Variants in TRIQK observed in about 807,000 individuals in gnomAD.
TRIQK encodes the protein triple QxxK/R motif containing.
In TRIQK, 10 loss-of-function variants were observed where a neutral mutation model predicts 10.8. That is an observed-to-expected ratio of 0.92 (90% confidence interval 0.57 to 1.57). TRIQK has a LOEUF of 1.57. TRIQK is among the 40% of genes most tolerant of loss of function. The pLI is 0.00. For synonymous variants in TRIQK, 33 were observed against 33.7 expected, an observed-to-expected ratio of 0.98 and a Z score of 0.07; for missense variants, 107 against 97.7, an observed-to-expected ratio of 1.09 and a Z score of -0.40.
intron 2 of TRIQK, among the ~76,000 whole-genome samples, chr8:92,939,977 CT>C (rs1201019626): frequency 2.6e-5 from 4 of 152,156 alleles, no homozygotes; most frequent in Admixed American, 6.5e-5. Context: ...TGTCTTATAT[CT>C]GGGCTGACCA....
intron 2 of TRIQK, chr8:92,926,397 G>A (rs1810450283): frequency 6.6e-6 from 1 of 152,122 alleles, no homozygotes; most frequent in Non-Finnish European, 1.5e-5. Flanking sequence ...GAAAATTACA[G>A]ACCAATCCAT....
At chr8:93,010,635 T>C (rs1274569389) in intron 1 of TRIQK, among the ~76,000 whole-genome samples, 1 of 152,288 alleles carries the variant, frequency 6.6e-6, no homozygotes, top group Non-Finnish European at 1.5e-5. Context: ...GTAATTCTAG[T>C]TTCGCATCCA....
At chr8:92,914,247 C>T (rs1324869670) in intron 3 of TRIQK, among the ~76,000 whole-genome samples, 1 of 151,980 alleles carries the variant, frequency 6.6e-6, no homozygotes, top group Non-Finnish European at 1.5e-5. Flanking sequence ...GAATGAATGT[C>T]CCCCTTCTTT....
chr8:92,906,103 A>C (rs1000514179), intron 3 of TRIQK, among the ~76,000 whole-genome samples: 3 of 152,204 alleles, frequency 2.0e-5, no homozygotes, highest in African/African-American at 7.2e-5. Flanking sequence ...AAGGGCAATG[A>C]AAAAGGGAAA....
chr8:92,985,036 A>G (rs1806627813), intron 1 of TRIQK, among the ~76,000 whole-genome samples: 1 of 152,220 alleles, frequency 6.6e-6, no homozygotes, highest in Admixed American at 6.5e-5. Flanking sequence ...TCTAAAGCTA[A>G]TAAACTTATT....
chr8:93,006,796 G>T (rs1206878414), intron 1 of TRIQK, among the ~76,000 whole-genome samples: 1 of 152,168 alleles, frequency 6.6e-6, no homozygotes, highest in Non-Finnish European at 1.5e-5. Flanking sequence ...ACTGTGTGGG[G>T]CCTCCCTACA....
intron 2 of TRIQK, among the ~76,000 whole-genome samples, chr8:92,951,143 T>A (rs1351034146): frequency 6.6e-6 from 1 of 152,026 alleles, no homozygotes; most frequent in Non-Finnish European, 1.5e-5. Flanking sequence ...TTTTTTTTTA[T>A]CCTGAGTATT....
chr8:92,892,507 A>G (rs1472292318), intron 3 of TRIQK, among the ~76,000 whole-genome samples: 6 of 152,088 alleles, frequency 3.9e-5, no homozygotes, highest in Admixed American at 3.3e-4. Flanking sequence ...CATTCAAAAC[A>G]TAAGTGAGAA....
chr8:92,938,646 G>A (rs1563646990), intron 2 of TRIQK, among the ~76,000 whole-genome samples: 1 of 152,128 alleles, frequency 6.6e-6, no homozygotes, highest in African/African-American at 2.4e-5. Flanking sequence ...ATGAGACCAT[G>A]TATTGTCTCA....
At chr8:93,002,254 TA>T (rs1176419634) in intron 1 of TRIQK, among the ~76,000 whole-genome samples, 1 of 151,540 alleles carries the variant, frequency 6.6e-6, no homozygotes, top group Non-Finnish European at 1.5e-5. Flanking sequence ...ACTAAATTAA[TA>T]AAAAAGGAAA....
intron 2 of TRIQK, among the ~76,000 whole-genome samples, chr8:92,924,596 A>G (rs555003109): frequency 6.6e-6 from 1 of 152,136 alleles, no homozygotes; most frequent in East Asian, 1.9e-4. Context: ...GGCATCATTC[A>G]TGATTCAGAT....
chr8:93,006,591 G>A (rs1020459524), intron 1 of TRIQK, among the ~76,000 whole-genome samples: 1 of 152,090 alleles, frequency 6.6e-6, no homozygotes, highest in Non-Finnish European at 1.5e-5. Context: ...GCTACCTGCT[G>A]TCTAAGACAA....
intron 1 of TRIQK, chr8:92,974,534 C>T (rs955589849): frequency 6.6e-6 from 1 of 152,220 alleles, no homozygotes; most frequent in Non-Finnish European, 1.5e-5. Flanking sequence ...TGTATGGAGA[C>T]TGAAGCTTGG....
intron 2 of TRIQK, among the ~76,000 whole-genome samples, chr8:92,950,885 C>CTTT (rs1260961020): frequency 6.6e-6 from 1 of 152,044 alleles, no homozygotes; most frequent in Non-Finnish European, 1.5e-5. Context: ...TAACATTATA[C>CTTT]AGGTCTCCCT....
At chr8:92,969,379 A>G (rs1812851251), upstream of TRIQK, among the ~76,000 whole-genome samples, 1 of 152,158 alleles carries the variant, frequency 6.6e-6, no homozygotes, top group African/African-American at 2.4e-5. Flanking sequence ...TGTAGTTAGA[A>G]AATATATATT....
upstream of TRIQK, among the ~76,000 whole-genome samples, chr8:92,969,983 C>T (rs1812858357): frequency 6.6e-6 from 1 of 152,010 alleles, no homozygotes; most frequent in Non-Finnish European, 1.5e-5. Flanking sequence ...ATGTTGTTCC[C>T]CTCCCTGTGT....
chr8:93,012,603 T>G (rs1051726937), intron 1 of TRIQK, among the ~76,000 whole-genome samples: 4 of 152,144 alleles, frequency 2.6e-5, no homozygotes, highest in Admixed American at 1.3e-4. Context: ...AAAATTTAGA[T>G]ACATTTCTAA....
intron 2 of TRIQK, among the ~76,000 whole-genome samples, chr8:92,938,216 A>C (rs1811088932): frequency 6.6e-6 from 1 of 152,066 alleles, no homozygotes; most frequent in African/African-American, 2.4e-5. Flanking sequence ...TTTGTGGAAC[A>C]GTCTTCAAAC....
chr8:92,941,027 G>A (rs1296989224), intron 2 of TRIQK: 1 of 152,024 alleles, frequency 6.6e-6, no homozygotes, highest in Admixed American at 6.6e-5. Flanking sequence ...TCTGAAAAAT[G>A]AATGGGTTAA....
Sources: allele counts gnomAD v4.1 joint callset (sites outside exome capture counted in the v4.1 genomes callset), GRCh38; gene constraint gnomAD v4.1.1; transcripts MANE v1.5; gene names NCBI Gene and HGNC (gene_info 2026-07-23, HGNC 2026-07-21).